The following COLEC12 variants were observed in gnomAD, a reference collection of about 807,000 sequenced individuals.
COLEC12 encodes the protein collectin-12.
COLEC12 carries 33 observed loss-of-function variants against 71.1 expected under a neutral mutation model. That is an observed-to-expected ratio of 0.46 (90% CI 0.35 to 0.62). COLEC12 has a LOEUF of 0.62. Ranked by LOEUF, COLEC12 falls within the 20% of genes least tolerant of loss-of-function variation. The probability of loss-of-function intolerance (pLI) is 0.00; values close to 1 mark genes in which losing one functional copy is unlikely to be tolerated. For synonymous variants in COLEC12, 350 were observed against 353.0 expected, an observed-to-expected ratio of 0.99 and a Z score of 0.10; for missense variants, 765 against 916.1, an observed-to-expected ratio of 0.84 and a Z score of 2.13.
intron 2 of COLEC12, among the ~76,000 whole-genome samples, chr18:366,092 T>C (rs1442433017): frequency 6.6e-6 from 1 of 152,238 alleles, no homozygotes; most frequent in African/African-American, 2.4e-5. Flanking sequence ...GCAGTAGTTA[T>C]ACTGGTGAAC....
intron 2 of COLEC12, among the ~76,000 whole-genome samples, chr18:447,332 G>C (rs1175868629): frequency 1.3e-5 from 2 of 152,190 alleles, no homozygotes; most frequent in Non-Finnish European, 2.9e-5. Context: ...AGCAGGATAT[G>C]ACTTCCTCAG....
intron 2 of COLEC12, among the ~76,000 whole-genome samples, chr18:375,692 CCATTT>C (rs986769446): frequency 6.6e-6 from 1 of 152,176 alleles, no homozygotes; most frequent in African/African-American, 2.4e-5. Flanking sequence ...GCACTTATCA[CCATTT>C]CATTTACTTA....
intron 5 of COLEC12, among the ~76,000 whole-genome samples, chr18:339,167 C>T (rs1353999311): frequency 1.3e-5 from 2 of 152,146 alleles, no homozygotes; most frequent in Admixed American, 1.3e-4. Flanking sequence ...TTCCAGAACA[C>T]CTTCTTCTAG....
chr18:456,529 C>G (rs1916874842), intron 2 of COLEC12, among the ~76,000 whole-genome samples: 3 of 152,206 alleles, frequency 2.0e-5, no homozygotes, highest in Admixed American at 2.0e-4. Flanking sequence ...AGGATGACTT[C>G]TGCGTTACCG....
intron 1 of COLEC12, among the ~76,000 whole-genome samples, chr18:483,570 G>C (rs978314408): frequency 3.3e-5 from 5 of 152,082 alleles, no homozygotes; most frequent in African/African-American, 9.7e-5. Flanking sequence ...TTTTCTTATG[G>C]CAGGGATTTA....
chr18:428,261 C>T (rs1414879745), intron 2 of COLEC12, among the ~76,000 whole-genome samples: 5 of 140,208 alleles, frequency 3.6e-5, no homozygotes, highest in Non-Finnish European at 7.9e-5. Flanking sequence ...GAAACTCCGT[C>T]TCAAAAAAAA....
chr18:418,390 G>C (rs1240182027), intron 2 of COLEC12, among the ~76,000 whole-genome samples: 1 of 152,184 alleles, frequency 6.6e-6, no homozygotes, highest in East Asian at 1.9e-4. Flanking sequence ...GGAATTCAAG[G>C]AAACTATCAG....
rs1035563897 is a variant in COLEC12, at chr18:392,718, C to G, written c.59-35196G>C. Among the ~76,000 whole-genome samples the G allele has an allele frequency of 6.6e-5, 10 of 152,360 alleles. No homozygotes were observed. The East Asian group carries it at 1.9e-3, about 29-fold the overall frequency. ...GTGAGGGCCTTTTATGGGCCCACTT[C>G]CAGCCTAGAGTTCACAGCAAGACAT... On this transcript the variant is annotated intron_variant, in intron 2 of 9. Transcript: ENST00000400256.
At chr18:437,431 C>T (rs1440155572) in intron 2 of COLEC12, among the ~76,000 whole-genome samples, 3 of 152,132 alleles carry the variant, frequency 2.0e-5, no homozygotes, top group Non-Finnish European at 4.4e-5. Flanking sequence ...TGACTCTCCA[C>T]TTAAAATGGA....
chr18:449,875 T>C (rs1339974049), intron 2 of COLEC12, among the ~76,000 whole-genome samples: 1 of 152,252 alleles, frequency 6.6e-6, no homozygotes, highest in African/African-American at 2.4e-5. Context: ...CTCTCCTTTT[T>C]ACCTCCTCTC....
At position 325,314 on chromosome 18, in the gene COLEC12, G is replaced by A. The variant is rs972088323; in HGVS notation, c.2064-3507C>T. Among the ~76,000 whole-genome samples, 7 of 152,206 alleles carry A rather than the reference G, an allele frequency of 4.6e-5. No homozygotes were observed. In the South Asian group the frequency reaches 6.2e-4, roughly 14 times the overall value. On this transcript the variant is annotated intron_variant, in intron 8 of 9. Coordinates refer to ENST00000400256, the MANE Select transcript of COLEC12 (RefSeq NM_130386.3). ...GATGCCAAGATGAAAGCTGTGACTC[G>A]TAGTGTGACAGCACACTCCCACCAA...
At chr18:472,928 G>A (rs908698952) in intron 2 of COLEC12, among the ~76,000 whole-genome samples, 4 of 151,814 alleles carry the variant, frequency 2.6e-5, no homozygotes, top group African/African-American at 9.7e-5. Flanking sequence ...GAGTGGGAGG[G>A]GTGGGAGCAG....
intron 5 of COLEC12, among the ~76,000 whole-genome samples, chr18:335,732 C>CGTGTACT (rs112069065): frequency 0.021 from 3,205 of 152,158 alleles, 116 homozygotes; most frequent in African/African-American, 0.073. Context: ...CCTCCCAGTC[C>CGTGTACT]GTGTACTGTG....
intron 2 of COLEC12, among the ~76,000 whole-genome samples, chr18:464,980 C>T (rs1917057952): frequency 1.3e-5 from 2 of 152,224 alleles, no homozygotes; most frequent in African/African-American, 4.8e-5. Context: ...CACTGGGGAC[C>T]TCTACTTACA....
chr18:434,650 A>G lies in COLEC12; in HGVS notation c.58+46057T>C, dbSNP rs148470775. Among the ~76,000 whole-genome samples the G allele has an allele frequency of 7.8e-4, 119 of 152,254 alleles. 1 individual carries two copies. Among genetic ancestry groups the G allele is most frequent in the African/African-American group, 2.7e-3 (111 of 41,540 alleles). On this transcript the variant is annotated intron_variant, in intron 2 of 9. Coordinates refer to ENST00000400256, the MANE Select transcript of COLEC12 (RefSeq NM_130386.3). ...GTGATGCAATGCACTGTCAAACTCA[A>G]ATTCCTGCCTGAGATATCTCCTCTC...
chr18:391,517 T>C (rs750005268), intron 2 of COLEC12, among the ~76,000 whole-genome samples: 5 of 152,318 alleles, frequency 3.3e-5, no homozygotes, highest in South Asian at 2.1e-4. Context: ...TTGTTGTTGT[T>C]GTTTTGGTTC....
chr18:445,937 T>C (rs981048857), intron 2 of COLEC12, among the ~76,000 whole-genome samples: 2 of 152,180 alleles, frequency 1.3e-5, no homozygotes, highest in Non-Finnish European at 2.9e-5. Context: ...CAGCCTAATC[T>C]ACTTTTTGTC....
chr18:446,624 G>A (rs1463910713), intron 2 of COLEC12, among the ~76,000 whole-genome samples: 2 of 150,640 alleles, frequency 1.3e-5, no homozygotes, highest in African/African-American at 4.9e-5. Flanking sequence ...TGGGAGAATT[G>A]CTCGAGCCCA....
intron 2 of COLEC12, among the ~76,000 whole-genome samples, chr18:363,897 C>A (rs540834181): frequency 6.6e-6 from 1 of 152,214 alleles, no homozygotes; most frequent in East Asian, 1.9e-4. Context: ...AGTTTCCTAA[C>A]GATGTGGATA....
Sources: gnomAD v4.1 joint callset for allele counts (sites outside exome capture counted in the v4.1 genomes callset) on GRCh38, gnomAD v4.1.1 for gene constraint, MANE v1.5 for transcripts, NCBI Gene and HGNC (gene_info 2026-07-23, HGNC 2026-07-21) for gene names.